The following ZDHHC17 variants were observed in gnomAD, a reference collection of about 807,000 sequenced individuals.
The protein encoded by ZDHHC17 is zDHHC palmitoyltransferase 17, also known as palmitoyltransferase ZDHHC17.
ZDHHC17 carries 40 observed loss-of-function variants against 90.3 expected under a neutral mutation model. The observed-to-expected ratio is 0.44, with a 90% CI of 0.34 to 0.58. The LOEUF (loss-of-function observed/expected upper bound fraction) is 0.58. Among genes scored for constraint, ZDHHC17 ranks in the 20% least tolerant of loss-of-function variants. The pLI is 0.01. For missense variants in ZDHHC17, 614 were observed against 780.8 expected, an observed-to-expected ratio of 0.79 and a Z score of 2.55; for synonymous variants, 235 against 252.4, an observed-to-expected ratio of 0.93 and a Z score of 0.65.
intron 1 of ZDHHC17, among the ~76,000 whole-genome samples, chr12:76,782,880 G>A (rs1477994944): frequency 6.6e-6 from 1 of 152,056 alleles, no homozygotes; most frequent in South Asian, 2.1e-4. Context: ...AAATTACCAA[G>A]AGAAGACATC....
At chr12:76,843,318 C>G (rs1953457215) in intron 12 of ZDHHC17, among the ~76,000 whole-genome samples, 1 of 152,028 alleles carries the variant, frequency 6.6e-6, no homozygotes. Flanking sequence ...GTTTTCTTTA[C>G]TACATTTTAA....
intron 12 of ZDHHC17, chr12:76,844,387 T>G (rs2137804965): frequency 6.6e-6 from 1 of 152,258 alleles, no homozygotes; most frequent in South Asian, 2.1e-4. Flanking sequence ...CCCTAAGGCT[T>G]GTAGATCAGA....
intron 7 of ZDHHC17, among the ~76,000 whole-genome samples, chr12:76,817,802 A>T (rs573981234): frequency 2.0e-5 from 3 of 152,250 alleles, no homozygotes; most frequent in African/African-American, 7.2e-5. Context: ...GAGTAGAGAT[A>T]TTTAAAATTA....
intron 1 of ZDHHC17, 34 bp downstream of exon 1, chr12:76,764,363 G>T: frequency 6.5e-7 from 1 of 1,542,554 alleles, no homozygotes; most frequent in Non-Finnish European, 8.8e-7. Flanking sequence ...TCCTTGCCCT[G>T]CGGCCCTCCA....
intron 1 of ZDHHC17, among the ~76,000 whole-genome samples, chr12:76,785,997 A>G (rs750350953): frequency 4.6e-5 from 7 of 152,206 alleles, no homozygotes; most frequent in Non-Finnish European, 8.8e-5. Flanking sequence ...TTGTGATAAT[A>G]TTAATACAGA....
chr12:76,781,820 A>G, intron 1 of ZDHHC17: 6 of 380,092 alleles, frequency 1.6e-5, no homozygotes, highest in Non-Finnish European at 2.6e-5. Flanking sequence ...ATTACATTGA[A>G]TAAAGTAGAG....
intron 2 of ZDHHC17, among the ~76,000 whole-genome samples, chr12:76,798,861 A>G (rs1051679258): frequency 2.0e-5 from 3 of 152,180 alleles, no homozygotes; most frequent in African/African-American, 7.2e-5. Context: ...AACAGTACCA[A>G]AGGGATGGTG....
At chr12:76,813,266 A>T (rs773624305) in intron 5 of ZDHHC17, 1 of 409,414 alleles carries the variant, frequency 2.4e-6, no homozygotes, top group South Asian at 1.8e-5. Context: ...ATAAGAAATA[A>T]GGAAGTTTGT....
At chr12:76,765,225 G>A (rs78908383) in intron 1 of ZDHHC17, among the ~76,000 whole-genome samples, 4,187 of 152,316 alleles carry the variant, frequency 0.027, 191 homozygotes, top group African/African-American at 0.093. Flanking sequence ...TCGTGTTGTA[G>A]GATGAACAAA....
At chr12:76,796,368 A>G (rs1199031909) in intron 1 of ZDHHC17, among the ~76,000 whole-genome samples, 4 of 152,158 alleles carry the variant, frequency 2.6e-5, no homozygotes, top group African/African-American at 9.6e-5. Flanking sequence ...ATATAAAAGA[A>G]ACAATTGTAT....
chr12:76,778,705 G>A (rs761618820), intron 1 of ZDHHC17, among the ~76,000 whole-genome samples: 11 of 152,174 alleles, frequency 7.2e-5, no homozygotes, highest in Non-Finnish European at 1.2e-4. Flanking sequence ...TTCCCTAATG[G>A]CAGATGATGT....
intron 10 of ZDHHC17, 133 bp downstream of exon 10, chr12:76,828,623 A>G (rs1372972962): frequency 8.8e-6 from 6 of 681,120 alleles, no homozygotes; most frequent in Non-Finnish European, 1.4e-5. Flanking sequence ...AAAATTTAGT[A>G]AACTAATATA....
In ZDHHC17 at chr12:76,842,052, A is replaced by G. The variant is rs1269995625; in HGVS notation, c.1212A>G (p.Lys404=). 1.9e-6 allele frequency: 3 copies of G among 1,602,974 alleles called. No individual in the cohort carries two copies. Among genetic ancestry groups the G allele is most frequent in the African/African-American group, 2.7e-5 (2 of 74,308 alleles). Residue 404 remains lysine, a synonymous_variant, in exon 11 of 17, where the codon AAA becomes AAG. Transcript: ENST00000426126. ...NSVALFYNFG[K]SWKSDPGIIK... is the part of the protein sequence containing the mutation. ...TTGCACTTTTCTACAATTTTGGAAA[A>G]TCTTGGAAATCAGATCCAGGGATTA... is the stretch of plus-strand genomic sequence containing the variant.
intron 1 of ZDHHC17, among the ~76,000 whole-genome samples, chr12:76,780,789 C>A (rs1183331127): frequency 6.6e-5 from 10 of 152,046 alleles, no homozygotes; most frequent in African/African-American, 2.4e-4. Flanking sequence ...ACAAATCAAA[C>A]AAGATAAAAT....
At chr12:76,779,694 A>T (rs1952601203) in intron 1 of ZDHHC17, among the ~76,000 whole-genome samples, 1 of 151,964 alleles carries the variant, frequency 6.6e-6, no homozygotes, top group Non-Finnish European at 1.5e-5. Flanking sequence ...TATTCGACCA[A>T]TTTTTCCTTT....
intron 5 of ZDHHC17, 55 bp from the exon 6 acceptor site, chr12:76,815,091 T>G: frequency 7.5e-7 from 1 of 1,326,428 alleles, no homozygotes; most frequent in African/African-American, 1.5e-5. Context: ...CCAAGCAAAT[T>G]TGGTTAGGAA....
intron 1 of ZDHHC17, chr12:76,781,761 A>T: frequency 4.5e-6 from 2 of 445,022 alleles, no homozygotes; most frequent in Non-Finnish European, 4.5e-6. Context: ...GGACTAAGAC[A>T]GTAGGAGAAT....
chr12:76,771,233 T>TA (rs1463888163), intron 1 of ZDHHC17, among the ~76,000 whole-genome samples: 1 of 152,196 alleles, frequency 6.6e-6, no homozygotes, highest in Non-Finnish European at 1.5e-5. Context: ...AAAATTTTCT[T>TA]AAAGTGGAGC....
chr12:76,793,818 C>T (rs1171558009), intron 1 of ZDHHC17, among the ~76,000 whole-genome samples: 1 of 152,148 alleles, frequency 6.6e-6, no homozygotes, highest in Admixed American at 6.5e-5. Context: ...ATTAGTATTG[C>T]TTTTCTTGGT....
Sources: allele counts gnomAD v4.1 joint callset (sites outside exome capture counted in the v4.1 genomes callset), GRCh38; gene constraint gnomAD v4.1.1; transcripts MANE v1.5; gene names NCBI Gene and HGNC (gene_info 2026-07-23, HGNC 2026-07-21).